BMP2K: variants seen among roughly 807,000 people sequenced by gnomAD.
BMP2K encodes BMP-2-inducible protein kinase.
A neutral mutation model predicts 116.0 loss-of-function variants in BMP2K; 74 were observed. That is an observed-to-expected ratio of 0.64 (90% CI 0.53 to 0.77). The LOEUF is 0.77. Among genes scored for constraint, BMP2K ranks in the 30% least tolerant of loss-of-function variants. The pLI, the probability that BMP2K is intolerant of heterozygous loss-of-function variation, is 0.00. For synonymous variants in BMP2K, 486 were observed against 502.5 expected, an observed-to-expected ratio of 0.97 and a Z score of 0.44; for missense variants, 1,365 against 1,403.6, an observed-to-expected ratio of 0.97 and a Z score of 0.44.
At chr4:78,817,240 A>C (rs1025439747) in intron 1 of BMP2K, among the ~76,000 whole-genome samples, 2 of 152,204 alleles carry the variant, frequency 1.3e-5, no homozygotes, top group East Asian at 3.8e-4. Flanking sequence ...ATTCCATTCA[A>C]TTCTGACACT....
rs184383906 is a variant in BMP2K at position 78,864,879 on chromosome 4, A to T, written c.1068-678A>T. 6.9e-3 allele frequency among the ~76,000 whole-genome samples: 1,046 copies of T among 152,032 alleles called. 6 individuals are homozygous for T. The highest frequency in any genetic ancestry group is 9.0e-3 in the Non-Finnish European group (609 of 67,946). ...AAATATTTTACCTTTTTTGTTTTTT[A>T]AAAAAAGCAAATGTTGGTGTCTTCT... On this transcript the variant is annotated intron_variant, in intron 9 of 15. Transcript: ENST00000502613.
At chr4:78,850,368 A>G (rs528905796) in intron 6 of BMP2K, among the ~76,000 whole-genome samples, 10 of 151,986 alleles carry the variant, frequency 6.6e-5, no homozygotes, top group African/African-American at 2.4e-4. Flanking sequence ...TACACATACA[A>G]TTAGTATAAT....
chr4:78,847,349 C>A, intron 6 of BMP2K, 80 bp downstream of exon 6: 2 of 999,620 alleles, frequency 2.0e-6, no homozygotes, highest in Non-Finnish European at 2.8e-6. Flanking sequence ...ACTCTGCTCC[C>A]CAAAAGGCAT....
intron 2 of BMP2K, among the ~76,000 whole-genome samples, chr4:78,831,471 A>T (rs370759030): frequency 6.6e-6 from 1 of 152,248 alleles, no homozygotes; most frequent in Non-Finnish European, 1.5e-5. Context: ...ACCACTTTTT[A>T]AAAATGTAGC....
chr4:78,810,539 G>A (rs1729036556), intron 1 of BMP2K, among the ~76,000 whole-genome samples: 2 of 152,156 alleles, frequency 1.3e-5, no homozygotes, highest in South Asian at 4.1e-4. Flanking sequence ...TTTGCACAGA[G>A]TGCCGAGTCA....
At chr4:78,840,052 A>G (rs542005440) in intron 3 of BMP2K, among the ~76,000 whole-genome samples, 5 of 152,272 alleles carry the variant, frequency 3.3e-5, no homozygotes, top group African/African-American at 1.2e-4. Context: ...ATATTATCAA[A>G]AATTTAAATG....
chr4:78,880,212 A>G (rs1190225470), intron 14 of BMP2K, among the ~76,000 whole-genome samples: 2 of 152,226 alleles, frequency 1.3e-5, no homozygotes, highest in African/African-American at 4.8e-5. Context: ...AGCTGGGATT[A>G]CAGGCATGTG....
At chr4:78,857,476 C>T (rs1224902233) in intron 7 of BMP2K, among the ~76,000 whole-genome samples, 3 of 152,064 alleles carry the variant, frequency 2.0e-5, no homozygotes, top group Non-Finnish European at 4.4e-5. Context: ...TTATTTTTTT[C>T]TCTCTCAGTG....
intron 13 of BMP2K, among the ~76,000 whole-genome samples, chr4:78,873,421 A>G (rs771199335): frequency 3.9e-5 from 6 of 152,230 alleles, no homozygotes; most frequent in South Asian, 2.1e-4. Context: ...ATCATCATCA[A>G]TGCCTCCTAA....
chr4:78,909,310 A>G (rs976963743), intron 15 of BMP2K, among the ~76,000 whole-genome samples: 5 of 152,094 alleles, frequency 3.3e-5, no homozygotes, highest in African/African-American at 9.7e-5. Context: ...TGCTGGGATT[A>G]CAGGGGTGAG....
At chr4:78,803,471 C>T (rs952158330) in intron 1 of BMP2K, among the ~76,000 whole-genome samples, 2 of 152,122 alleles carry the variant, frequency 1.3e-5, no homozygotes, top group Non-Finnish European at 2.9e-5. Context: ...CCTCAGCTTA[C>T]TGCAACCTCT....
chr4:78,858,983 C>G (rs1017093042), intron 7 of BMP2K, among the ~76,000 whole-genome samples: 2 of 151,786 alleles, frequency 1.3e-5, no homozygotes, highest in African/African-American at 4.8e-5. Context: ...GAAATCTGTT[C>G]ATAAAAACCA....
intron 15 of BMP2K, among the ~76,000 whole-genome samples, chr4:78,897,835 G>A (rs1350063306): frequency 1.3e-5 from 2 of 152,148 alleles, no homozygotes; most frequent in Non-Finnish European, 2.9e-5. Flanking sequence ...AAATCTAAAA[G>A]GATTATTATA....
chr4:78,894,968 C>G (rs908488714), intron 15 of BMP2K, among the ~76,000 whole-genome samples: 6 of 152,174 alleles, frequency 3.9e-5, no homozygotes, highest in Non-Finnish European at 8.8e-5. Context: ...GTCGGTAGAT[C>G]AGTCAGAACA....
intron 1 of BMP2K, among the ~76,000 whole-genome samples, chr4:78,801,914 GT>G (rs921245904): frequency 1.3e-5 from 2 of 152,194 alleles, no homozygotes; most frequent in African/African-American, 4.8e-5. Flanking sequence ...ACAAGCCAGT[GT>G]TTAACAGCTA....
intron 1 of BMP2K, among the ~76,000 whole-genome samples, chr4:78,790,728 T>A (rs1727955792): frequency 1.3e-5 from 2 of 152,322 alleles, no homozygotes; most frequent in South Asian, 2.1e-4. Context: ...AGCTTTTTCA[T>A]AAGTCAAAAT....
At chr4:78,904,377 C>T (rs1734182237) in intron 15 of BMP2K, among the ~76,000 whole-genome samples, 1 of 151,922 alleles carries the variant, frequency 6.6e-6, no homozygotes, top group South Asian at 2.1e-4. Context: ...CCTATTCCCT[C>T]TGATTCATTT....
At chr4:78,867,981 AC>A (rs1732138013) in intron 10 of BMP2K, among the ~76,000 whole-genome samples, 1 of 152,154 alleles carries the variant, frequency 6.6e-6, no homozygotes, top group Non-Finnish European at 1.5e-5. Context: ...AGTCACTTGA[AC>A]CCAGGAGGTG....
At chr4:78,849,319 T>C (rs1299949634) in intron 6 of BMP2K, among the ~76,000 whole-genome samples, 1 of 151,464 alleles carries the variant, frequency 6.6e-6, no homozygotes. Flanking sequence ...CTCATTGAGA[T>C]TGATAAAAAG....
Sources: allele counts gnomAD v4.1 joint callset (sites outside exome capture counted in the v4.1 genomes callset), GRCh38; gene constraint gnomAD v4.1.1; transcripts MANE v1.5; gene names NCBI Gene and HGNC (gene_info 2026-07-23, HGNC 2026-07-21).